Variants in CDH5 observed in about 807,000 individuals in gnomAD.
CDH5 encodes cadherin-5.
In CDH5, 28 loss-of-function variants were observed where a neutral mutation model predicts 62.0. The ratio of observed to expected loss-of-function variants is 0.45; its 90% CI spans 0.33 to 0.62. CDH5 has a LOEUF of 0.62. CDH5 is among the 20% of genes least tolerant of loss of function. The pLI, the probability that CDH5 is intolerant of heterozygous loss-of-function variation, is 0.02. For missense variants in CDH5, 940 were observed against 1,065.1 expected (o/e 0.88, Z 1.63); for synonymous variants, 464 against 445.8 (o/e 1.04, Z -0.52).
rs373511656 is a variant in CDH5, at chr16:66,372,178, C to T, written c.-20+5420C>T. On this transcript the variant is annotated intron_variant, in intron 1 of 11. Transcript: ENST00000341529. ...CCAGTCTGTATGCTCCCACAGCCTC[C>T]TCGATTTGTCCATCAAAGCACATGT... Among the ~76,000 whole-genome samples the T allele has an allele frequency of 2.6e-5, 4 of 152,356 alleles. No homozygotes were observed. In the East Asian group the frequency reaches 5.8e-4, roughly 22 times the overall value.
intron 1 of CDH5, 27 bp from the exon 2 acceptor site, chr16:66,379,292 G>A (rs7499886): frequency 0.43 from 662,929 of 1,527,282 alleles, 147,183 homozygotes; most frequent in Admixed American, 0.65. Flanking sequence ...ACTGGCCAGA[G>A]TCTGAATGTG....
At chr16:66,384,078 C>CTTTTTTTTTT (rs35435487) in intron 2 of CDH5, among the ~76,000 whole-genome samples, 6 of 71,364 alleles carry the variant, frequency 8.4e-5, no homozygotes, top group Non-Finnish European at 1.3e-4. Flanking sequence ...GGAGTCCAGC[C>CTTTTTTTTTT]TTTTTTTTTT....
chr16:66,396,104 C>T lies in CDH5; in HGVS notation c.1263C>T (p.Val421=), dbSNP rs1246842067. Residue 421 remains valine (V), a synonymous_variant, in exon 8 of 12, where the codon GTC becomes GTT. Coordinates refer to ENST00000341529, the MANE Select transcript of CDH5 (RefSeq NM_001795.5). ...GTGACAAGGGCCAGTTCTTCCGAGT[C>T]ACAAAAAAGGGGGACATTTACAATG... The part of the protein sequence containing the change: ...RTSDKGQFFR[V]TKKGDIYNEK... 5 of 1,613,682 alleles carry T rather than the reference C, an allele frequency of 3.1e-6. No homozygotes were observed. In the African/African-American group the frequency reaches 5.3e-5, roughly 17 times the overall value.
chr16:66,386,692 C>A, intron 2 of CDH5, 117 bp from the exon 3 acceptor site: 1 of 875,858 alleles, frequency 1.1e-6, no homozygotes, highest in Non-Finnish European at 1.8e-6. Flanking sequence ...CTGGCCAGCA[C>A]CACACACACC....
chr16:66,385,978 A>T, intron 2 of CDH5, among the ~76,000 whole-genome samples: 1 of 152,246 alleles, frequency 6.6e-6, no homozygotes, highest in East Asian at 1.9e-4. Flanking sequence ...AGAAGAGTTC[A>T]GTGTTTCCCA....
intron 5 of CDH5, among the ~76,000 whole-genome samples, chr16:66,390,170 G>C (rs1393849660): frequency 6.6e-6 from 1 of 152,254 alleles, no homozygotes; most frequent in African/African-American, 2.4e-5. Context: ...CCCTAGCAAA[G>C]TGCCTGGCAT....
rs1961320783 is a variant in CDH5 at position 66,402,971 on chromosome 16, C to T, written c.2157C>T (p.Asp719=). 2 of 1,613,018 alleles carry T rather than the reference C, an allele frequency of 1.2e-6. No homozygotes were observed. The highest frequency in any genetic ancestry group is 8.5e-7 in the Non-Finnish European group (1 of 1,179,934). ...IEVKKDEADH[D]GDGPPYDTLH... ...TGAAGAAGGACGAGGCGGACCACGACGGCGACGGCCCCCCCTACGACACGC... is the reference window on the plus strand; with the variant it reads ...TGAAGAAGGACGAGGCGGACCACGATGGCGACGGCCCCCCCTACGACACGC... The change falls in exon 12 of 12, where the codon GAC becomes GAT. Residue 719 remains aspartate (D), a synonymous_variant. Coordinates refer to ENST00000341529, the MANE Select transcript of CDH5 (RefSeq NM_001795.5).
chr16:66,388,510 C>A, intron 4 of CDH5, 70 bp downstream of exon 4: 2 of 1,025,716 alleles, frequency 1.9e-6, no homozygotes, highest in Non-Finnish European at 3.1e-6. Flanking sequence ...ACTCCAGGTG[C>A]ATGTGCTAAG....
At chr16:66,380,675 ATGATAG>A (rs1443621279) in intron 2 of CDH5, among the ~76,000 whole-genome samples, 2 of 150,096 alleles carry the variant, frequency 1.3e-5, no homozygotes, top group African/African-American at 2.5e-5. Flanking sequence ...GGAAGTGATG[ATGATAG>A]TGATGGTGAT....
At chr16:66,368,397 G>A (rs898319901) in intron 1 of CDH5, among the ~76,000 whole-genome samples, 1 of 152,194 alleles carries the variant, frequency 6.6e-6, no homozygotes, top group Non-Finnish European at 1.5e-5. Context: ...GGTGTATACT[G>A]GCCTGGAAGG....
At chr16:66,385,785 A>G (rs1310340275) in intron 2 of CDH5, among the ~76,000 whole-genome samples, 1 of 152,200 alleles carries the variant, frequency 6.6e-6, no homozygotes, top group East Asian at 1.9e-4. Context: ...GAATTCTGAG[A>G]ATTCGTTGTT....
chr16:66,376,265 G>A (rs1324285080), intron 1 of CDH5: 4 of 152,168 alleles, frequency 2.6e-5, no homozygotes, highest in Admixed American at 6.5e-5. Context: ...TGTTACTAGG[G>A]CAGAGGAATT....
rs1158279129 is a variant in CDH5 at position 66,401,885 on chromosome 16, G to A, written c.1838-767G>A. Among the ~76,000 whole-genome samples, 9 of 152,282 alleles carry A rather than the reference G, an allele frequency of 5.9e-5. 1 individual carries two copies. In the South Asian group the frequency reaches 8.3e-4, roughly 14 times the overall value. On this transcript the variant is annotated intron_variant, in intron 11 of 11. Coordinates refer to ENST00000341529, the MANE Select transcript of CDH5 (RefSeq NM_001795.5). The stretch of plus-strand genomic sequence containing the variant: ...GATTAGAGATCACCCTGGCACTCAC[G>A]GCAAGGCCTGGATACAGCCACGGGG...
Position 66,389,477 on chromosome 16 carries a change from G to C in CDH5, c.736G>C (p.Val246Leu), listed in dbSNP as rs1961044869. 6.2e-7 allele frequency: 1 copy of C among 1,612,012 alleles called. No individual in the cohort carries two copies. The highest frequency in any genetic ancestry group is 8.5e-7 in the Non-Finnish European group (1 of 1,178,852). ...GGACTCGGGCACGGCCACCGTGCTG[G>C]TCACTCTGCAAGACATCAATGACAA... ...RGDSGTATVLVTLQDINDNFP... is the reference protein window; with the variant it reads ...RGDSGTATVLLTLQDINDNFP... Residue 246 changes from valine (V) to leucine (L), a missense_variant, in exon 5 of 12, where the codon GTC becomes CTC. By Grantham distance (32) the Val-to-Leu change is conservative. Coordinates refer to ENST00000341529, the MANE Select transcript of CDH5 (RefSeq NM_001795.5).
Position 66,386,821 on chromosome 16 carries a change from G to T in CDH5, c.223G>T (p.Val75Leu). Reference protein sequence around the residue: ...PHHVGKIKSSVSRKNAKYLLK... With the variant: ...PHHVGKIKSSLSRKNAKYLLK... ...TCTTCTTTTCTAGATCAAGTCAAGC[G>T]TGAGTCGCAAGAATGCCAAGTACCT... Residue 75 changes from valine to leucine, a missense_variant, in exon 3 of 12, where the codon GTG becomes TTG. By Grantham distance (32) the Val-to-Leu change is conservative (BLOSUM62 1). Coordinates refer to ENST00000341529, the MANE Select transcript of CDH5 (RefSeq NM_001795.5). 1 of 1,609,730 alleles carries T rather than the reference G, an allele frequency of 6.2e-7. No individual in the cohort carries two copies. Among genetic ancestry groups the T allele is most frequent in the Non-Finnish European group, 8.5e-7 (1 of 1,177,296 alleles).
chr16:66,375,685 A>G (rs1303890845), intron 1 of CDH5, among the ~76,000 whole-genome samples: 1 of 152,048 alleles, frequency 6.6e-6, no homozygotes, highest in Non-Finnish European at 1.5e-5. Flanking sequence ...ACTGTATCCT[A>G]CTGTAGACTT....
chr16:66,402,052 T>C (rs995820107), intron 11 of CDH5, among the ~76,000 whole-genome samples: 2 of 152,054 alleles, frequency 1.3e-5, no homozygotes, highest in African/African-American at 4.8e-5. Flanking sequence ...CCACCACAAA[T>C]AGAATTGCAT....
In CDH5 at chr16:66,392,578, C is replaced by G. The variant is rs1596942077; in HGVS notation, c.1217+195C>G. 6.1e-6 allele frequency: 4 copies of G among 657,918 alleles called. No individual in the cohort carries two copies. In the East Asian group the frequency reaches 1.1e-4, roughly 18 times the overall value. 40.8% of individuals were successfully genotyped at this position (657,918 alleles called of 1,614,324 possible). On this transcript the variant is annotated intron_variant, in intron 7 of 11. Coordinates refer to ENST00000341529, the MANE Select transcript of CDH5 (RefSeq NM_001795.5). ...GCATCTTGACCTGCCTGGACTCCCC[C>G]ACCTAGCATGGTCCTGGGCATCCAG...
intron 11 of CDH5, 105 bp from the exon 12 acceptor site, chr16:66,402,547 G>C: frequency 2.0e-6 from 2 of 993,980 alleles, no homozygotes; most frequent in Non-Finnish European, 2.8e-6. Context: ...GGCATGCTGG[G>C]AGGGCGTGGG....
Sources: allele counts gnomAD v4.1 joint callset (sites outside exome capture counted in the v4.1 genomes callset), GRCh38; gene constraint gnomAD v4.1.1; transcripts MANE v1.5; gene names NCBI Gene and HGNC (gene_info 2026-07-23, HGNC 2026-07-21).